The following RAB27A variants were observed in gnomAD, a reference collection of about 807,000 sequenced individuals.
RAB27A encodes the protein ras-related protein Rab-27A.
In RAB27A, 17 loss-of-function variants were observed where a neutral mutation model predicts 20.8. The observed-to-expected ratio is 0.82, with a 90% CI of 0.56 to 1.23. RAB27A has a LOEUF of 1.23. RAB27A is among the 50% of genes most tolerant of loss of function. RAB27A has a pLI of 0.00. For missense variants in RAB27A, 277 were observed against 266.7 expected, an observed-to-expected ratio of 1.04 and a Z score of -0.27; for synonymous variants, 85 against 92.8, an observed-to-expected ratio of 0.92 and a Z score of 0.48.
chr15:55,303,570 G>A (rs79312988), intron 2 of RAB27A, among the ~76,000 whole-genome samples: 19 of 61,480 alleles, frequency 3.1e-4, no homozygotes, highest in South Asian at 8.2e-4. Context: ...TGGGGGGGTC[G>A]GCCCCCCGCC....
At chr15:55,283,417 C>T (rs552751859) in intron 1 of RAB27A, among the ~76,000 whole-genome samples, 134 of 152,172 alleles carry the variant, frequency 8.8e-4, no homozygotes, top group African/African-American at 3.1e-3. Flanking sequence ...GCAGGAAGTC[C>T]GGAACACAGG....
chr15:55,248,318 C>T (rs1896764713), intron 2 of RAB27A, among the ~76,000 whole-genome samples: 1 of 152,162 alleles, frequency 6.6e-6, no homozygotes, highest in Non-Finnish European at 1.5e-5. Context: ...AGTCTTCTTC[C>T]TCTCCTGGCT....
chr15:55,318,376 C>A (rs1378425759), intron 1 of RAB27A, among the ~76,000 whole-genome samples: 1 of 148,584 alleles, frequency 6.7e-6, no homozygotes, highest in Non-Finnish European at 1.5e-5. Flanking sequence ...GGAATACAGG[C>A]GTGAGCCACC....
intron 5 of RAB27A, 86 bp downstream of exon 5, chr15:55,228,523 A>T: frequency 9.4e-7 from 1 of 1,060,540 alleles, no homozygotes; most frequent in Non-Finnish European, 1.5e-6. Flanking sequence ...CTCCAAAACG[A>T]TTTGTCACAG....
chr15:55,232,172 TAA>T (rs1896054243), intron 3 of RAB27A, among the ~76,000 whole-genome samples: 1 of 152,172 alleles, frequency 6.6e-6, no homozygotes, highest in Non-Finnish European at 1.5e-5. Context: ...CAGAAAAAGC[TAA>T]GAGACTTATT....
intron 2 of RAB27A, among the ~76,000 whole-genome samples, chr15:55,307,660 G>A (rs2055003623): frequency 6.6e-6 from 1 of 151,256 alleles, no homozygotes; most frequent in Non-Finnish European, 1.5e-5. Context: ...GAAGGCCTCT[G>A]CCCAACCAGT....
intron 1 of RAB27A, among the ~76,000 whole-genome samples, chr15:55,318,273 A>G (rs2055075863): frequency 6.7e-6 from 1 of 149,644 alleles, no homozygotes; most frequent in Non-Finnish European, 1.5e-5. Flanking sequence ...AATTTTTTGT[A>G]TTTTTTGTAG....
intron 6 of RAB27A, among the ~76,000 whole-genome samples, chr15:55,213,690 G>A (rs1310611824): frequency 6.6e-6 from 1 of 152,176 alleles, no homozygotes; most frequent in Non-Finnish European, 1.5e-5. Flanking sequence ...CTGCCCATGT[G>A]AGGGATCTAG....
At chr15:55,218,961 C>T (rs532045524) in intron 6 of RAB27A, among the ~76,000 whole-genome samples, 18 of 152,152 alleles carry the variant, frequency 1.2e-4, no homozygotes, top group African/African-American at 3.9e-4. Flanking sequence ...AGGCTGGTCT[C>T]GAACTCCTGA....
chr15:55,218,053 A>C (rs1441537865), intron 6 of RAB27A, among the ~76,000 whole-genome samples: 1 of 152,216 alleles, frequency 6.6e-6, no homozygotes, highest in Non-Finnish European at 1.5e-5. Context: ...ATTTATTCTC[A>C]CAAAACTAAA....
chr15:55,308,544 T>TC (rs1477056179), intron 2 of RAB27A, among the ~76,000 whole-genome samples: 3 of 152,328 alleles, frequency 2.0e-5, no homozygotes, highest in East Asian at 3.9e-4. Flanking sequence ...CAAAGGAACT[T>TC]CCATCAGTAT....
chr15:55,244,703 G>A (rs150960008), intron 2 of RAB27A, among the ~76,000 whole-genome samples: 177 of 152,316 alleles, frequency 1.2e-3, no homozygotes, highest in African/African-American at 3.8e-3. Flanking sequence ...TATTTTTGCA[G>A]AGAAACAGGA....
chr15:55,271,082 T>C (rs574298264), intron 1 of RAB27A, among the ~76,000 whole-genome samples: 1 of 152,272 alleles, frequency 6.6e-6, no homozygotes, highest in South Asian at 2.1e-4. Context: ...ACTTATTTGG[T>C]TTTCTGGTCC....
chr15:55,247,696 T>G (rs973114958), intron 2 of RAB27A, among the ~76,000 whole-genome samples: 1 of 152,110 alleles, frequency 6.6e-6, no homozygotes, highest in Non-Finnish European at 1.5e-5. Context: ...CATGATGAAT[T>G]AGAAGCAGCC....
intron 2 of RAB27A, among the ~76,000 whole-genome samples, chr15:55,257,779 G>C (rs1897131162): frequency 6.6e-6 from 1 of 152,162 alleles, no homozygotes; most frequent in African/African-American, 2.4e-5. Flanking sequence ...GATCACCTGA[G>C]GTCAAGAGAT....
In RAB27A at chr15:55,203,336, C is replaced by T. The variant is rs1894480964; in HGVS notation, c.*2171G>A. Reference sequence around the variant, plus strand: ...ATATAGAATATGCCCTGATATGTAGCTGTAAAATTATGTTGTACTGCACTG... The same window carrying T: ...ATATAGAATATGCCCTGATATGTAGTTGTAAAATTATGTTGTACTGCACTG... On this transcript the variant is annotated 3_prime_UTR_variant, in exon 7 of 7. Coordinates refer to ENST00000336787, the MANE Select transcript of RAB27A (RefSeq NM_183235.3). 2.0e-5 allele frequency: 3 copies of T among 151,416 alleles called. No individual in the cohort carries two copies. The South Asian group carries it at 6.2e-4, about 31-fold the overall frequency. 9.4% of individuals were successfully genotyped at this position (151,416 alleles called of 1,614,324 possible).
chr15:55,287,853 A>G (rs1026476724), intron 1 of RAB27A, among the ~76,000 whole-genome samples: 5 of 152,180 alleles, frequency 3.3e-5, no homozygotes, highest in African/African-American at 1.2e-4. Context: ...TCAAAACACT[A>G]TGTAGCTACA....
At chr15:55,237,859 G>GAGGA (rs1896324756) in intron 2 of RAB27A, among the ~76,000 whole-genome samples, 1 of 152,016 alleles carries the variant, frequency 6.6e-6, no homozygotes, top group Admixed American at 6.6e-5. Context: ...TAGGGTACAG[G>GAGGA]AAAAAATGCT....
chr15:55,261,794 C>A (rs1446745166), intron 2 of RAB27A, among the ~76,000 whole-genome samples: 2 of 148,422 alleles, frequency 1.3e-5, no homozygotes, highest in East Asian at 4.1e-4. Flanking sequence ...AATCCCAGCA[C>A]TTTGGAAGGC....
Sources: gnomAD v4.1 joint callset for allele counts (sites outside exome capture counted in the v4.1 genomes callset) on GRCh38, gnomAD v4.1.1 for gene constraint, MANE v1.5 for transcripts, NCBI Gene and HGNC (gene_info 2026-07-23, HGNC 2026-07-21) for gene names.